The following KCNK1 variants were observed in gnomAD, a reference collection of about 807,000 sequenced individuals.
The protein encoded by KCNK1 is potassium channel subfamily K member 1.
In KCNK1, 10 loss-of-function variants were observed where a neutral mutation model predicts 22.2. The observed-to-expected ratio is 0.45, with a 90% CI of 0.28 to 0.76. The LOEUF is 0.76. KCNK1 is among the 30% of genes least tolerant of loss of function. KCNK1 has a pLI of 0.14. For synonymous variants in KCNK1, 200 were observed against 186.4 expected (o/e 1.07, Z -0.60); for missense variants, 378 against 421.0 (o/e 0.90, Z 0.89).
chr1:233,635,633 C>G (rs945814778), intron 1 of KCNK1, among the ~76,000 whole-genome samples: 9 of 151,902 alleles, frequency 5.9e-5, no homozygotes, highest in African/African-American at 2.2e-4. Flanking sequence ...TTTGCTTTTG[C>G]CGAATGAAAT....
At chr1:233,619,289 T>C (rs1657537025) in intron 1 of KCNK1, among the ~76,000 whole-genome samples, 1 of 152,142 alleles carries the variant, frequency 6.6e-6, no homozygotes, top group African/African-American at 2.4e-5. Flanking sequence ...CTCAAAGTGC[T>C]GGGATTACAG....
intron 1 of KCNK1, among the ~76,000 whole-genome samples, chr1:233,641,663 C>G (rs1001262979): frequency 1.3e-5 from 2 of 152,164 alleles, no homozygotes; most frequent in African/African-American, 2.4e-5. Context: ...AATGGAATTT[C>G]TCCTCAACCC....
At chr1:233,648,585 G>A (rs1479806190) in intron 1 of KCNK1, among the ~76,000 whole-genome samples, 1 of 150,468 alleles carries the variant, frequency 6.6e-6, no homozygotes, top group Non-Finnish European at 1.5e-5. Flanking sequence ...CTTCCCTTGA[G>A]ACAGAGTCTC....
At chr1:233,623,547 C>T (rs895456274) in intron 1 of KCNK1, among the ~76,000 whole-genome samples, 3 of 152,172 alleles carry the variant, frequency 2.0e-5, no homozygotes, top group East Asian at 1.9e-4. Context: ...CTCATAAATA[C>T]GTAAAATTAT....
intron 1 of KCNK1, among the ~76,000 whole-genome samples, chr1:233,658,915 G>A (rs954400482): frequency 6.6e-5 from 10 of 152,136 alleles, no homozygotes; most frequent in South Asian, 4.1e-4. Flanking sequence ...TGATGGCCTC[G>A]GAGATTACTG....
rs551380015 is a variant in KCNK1, at chr1:233,636,968, G to A, written c.355+22442G>A. Among the ~76,000 whole-genome samples the A allele has an allele frequency of 1.6e-4, 25 of 152,108 alleles. No homozygotes were observed. In the East Asian group the frequency reaches 3.9e-3, roughly 24 times the overall value. ...TCCCAGCACTTTGGGAGGCCATGGC[G>A]GGAGGATCATGAGGTCAGGAGATCA... On this transcript the variant is annotated intron_variant, in intron 1 of 2. Coordinates refer to ENST00000366621, the MANE Select transcript of KCNK1 (RefSeq NM_002245.4).
intron 1 of KCNK1, among the ~76,000 whole-genome samples, chr1:233,637,999 GA>G (rs34708464): frequency 1.5e-4 from 22 of 146,998 alleles, no homozygotes; most frequent in South Asian, 4.3e-4. Context: ...GTGGAAAAAT[GA>G]AAAAAAAAAA....
At position 233,649,414 on chromosome 1, in the gene KCNK1, G is replaced by T. The variant is rs1220777030; in HGVS notation, c.356-17181G>T. On this transcript the variant is annotated intron_variant, in intron 1 of 2. Coordinates refer to ENST00000366621, the MANE Select transcript of KCNK1 (RefSeq NM_002245.4). ...CTGGAGATATTTTTCCTCTACTCTT[G>T]CATGAAGAAATATGTCTTAATGTAG... is the stretch of plus-strand genomic sequence containing the variant. Among the ~76,000 whole-genome samples the T allele has an allele frequency of 4.6e-5, 7 of 152,260 alleles. No homozygotes were observed. The East Asian group carries it at 1.4e-3, about 29-fold the overall frequency.
chr1:233,667,676 G>A (rs1331270792), intron 2 of KCNK1, among the ~76,000 whole-genome samples: 1 of 138,442 alleles, frequency 7.2e-6, no homozygotes, highest in Non-Finnish European at 1.5e-5. Flanking sequence ...CTTGCAGTGA[G>A]CCGAGATCGC....
In KCNK1 at chr1:233,666,653, C is replaced by T. The variant is rs766143730; in HGVS notation, c.414C>T (p.Ser138=). The T allele has an allele frequency of 2.4e-5, 38 of 1,613,910 alleles. No homozygotes were observed. Among genetic ancestry groups the T allele is most frequent in the Middle Eastern group, 1.6e-4 (1 of 6,082 alleles). The change falls in exon 2 of 3, where the codon TCC becomes TCT. Residue 138 remains serine (S), a synonymous_variant. Transcript: ENST00000366621. ...GTAAGGCCTTCTGCATCATCTACTC[C>T]GTCATTGGCATTCCCTTCACCCTCC... ...DGGKAFCIIY[S]VIGIPFTLLF...
intron 1 of KCNK1, among the ~76,000 whole-genome samples, chr1:233,652,551 C>T (rs1317621684): frequency 6.6e-6 from 1 of 152,114 alleles, no homozygotes; most frequent in African/African-American, 2.4e-5. Flanking sequence ...ATACCGAATG[C>T]TTTCCTTTCA....
intron 1 of KCNK1, among the ~76,000 whole-genome samples, chr1:233,646,452 A>G (rs2102898655): frequency 6.6e-6 from 1 of 152,288 alleles, no homozygotes; most frequent in African/African-American, 2.4e-5. Flanking sequence ...CTAGAGGATA[A>G]GATGCTGCTA....
At chr1:233,662,044 G>A (rs1296483338) in intron 1 of KCNK1, 1 of 152,204 alleles carries the variant, frequency 6.6e-6, no homozygotes, top group Non-Finnish European at 1.5e-5. Flanking sequence ...ATTTAAAGTA[G>A]GAGAGGATGT....
At chr1:233,624,452 A>G (rs577756861) in intron 1 of KCNK1, among the ~76,000 whole-genome samples, 5 of 151,688 alleles carry the variant, frequency 3.3e-5, no homozygotes, top group Non-Finnish European at 5.9e-5. Flanking sequence ...GGCCTCACCT[A>G]TCTTCACCTG....
At chr1:233,660,566 T>A (rs1030017610) in intron 1 of KCNK1, 22 of 152,236 alleles carry the variant, frequency 1.4e-4, no homozygotes, top group Admixed American at 1.4e-3. Flanking sequence ...GCATGTAGGT[T>A]ATGCCTACGT....
intron 1 of KCNK1, among the ~76,000 whole-genome samples, chr1:233,665,064 T>C (rs1425637555): frequency 2.6e-5 from 4 of 152,188 alleles, no homozygotes; most frequent in Admixed American, 6.5e-5. Context: ...ATTAGCTAGA[T>C]TTGGGAAAAA....
chr1:233,662,052 T>C (rs1658403014), intron 1 of KCNK1: 1 of 152,174 alleles, frequency 6.6e-6, no homozygotes, highest in Non-Finnish European at 1.5e-5. Flanking sequence ...TAGGAGAGGA[T>C]GTGGTCTACC....
chr1:233,643,316 G>A (rs1658035289), intron 1 of KCNK1, among the ~76,000 whole-genome samples: 1 of 152,100 alleles, frequency 6.6e-6, no homozygotes, highest in Non-Finnish European at 1.5e-5. Flanking sequence ...GAGGCTGTGG[G>A]TACTAGTTGA....
At chr1:233,666,402 C>T (rs1020446775) in intron 1 of KCNK1, among the ~76,000 whole-genome samples, 193 bp from the exon 2 acceptor site, 1 of 152,190 alleles carries the variant, frequency 6.6e-6, no homozygotes, top group African/African-American at 2.4e-5. Flanking sequence ...GACTTTCAAA[C>T]TTATGGTGAC....
Sources: allele counts gnomAD v4.1 joint callset (sites outside exome capture counted in the v4.1 genomes callset), GRCh38; gene constraint gnomAD v4.1.1; transcripts MANE v1.5; gene names NCBI Gene and HGNC (gene_info 2026-07-23, HGNC 2026-07-21).